The following DENND3 variants were observed in gnomAD, a reference collection of about 807,000 sequenced individuals.
DENND3 encodes DENN domain-containing protein 3.
In DENND3, 88 loss-of-function variants were observed where a neutral mutation model predicts 135.1. The ratio of observed to expected loss-of-function variants is 0.65; its 90% CI spans 0.55 to 0.78. DENND3 has a LOEUF of 0.78. Ranked by LOEUF, DENND3 falls within the 30% of genes least tolerant of loss-of-function variation. The pLI, the probability that DENND3 is intolerant of heterozygous loss-of-function variation, is 0.00. For synonymous variants in DENND3, 693 were observed against 712.3 expected (o/e 0.97, Z 0.43); for missense variants, 1,392 against 1,688.4 (o/e 0.82, Z 3.08).
At chr8:141,149,787 A>T (rs2154612916) in intron 5 of DENND3, among the ~76,000 whole-genome samples, 1 of 152,372 alleles carries the variant, frequency 6.6e-6, no homozygotes, top group South Asian at 2.1e-4. Context: ...TTTTCTCATC[A>T]ACATTATAAC....
Position 141,145,828 on chromosome 8 carries a change from TATATATATATATA to T in DENND3, c.735+1570_735+1582del, listed in dbSNP as rs1817999818. Among the ~76,000 whole-genome samples the T allele has an allele frequency of 1.2e-4, 11 of 90,702 alleles. 2 individuals are homozygous for T. Among genetic ancestry groups the T allele is most frequent in the African/African-American group, 7.0e-4 (11 of 15,696 alleles). The allele number at this position is 90,702 out of a possible 152,430, so 59.5% of individuals were successfully genotyped here. ...TTATATATATATATATATATATATA[TATATATATATATA>T]TATATATATGTATTTTTTTTTTTTT... On this transcript the variant is annotated intron_variant, in intron 5 of 22. Transcript: ENST00000519811.
intron 1 of DENND3, among the ~76,000 whole-genome samples, chr8:141,135,726 A>G (rs1242759473): frequency 3.3e-5 from 5 of 152,256 alleles, no homozygotes. Flanking sequence ...GATTGAAGGG[A>G]TGGCCCATGT....
chr8:141,137,054 A>G lies in DENND3; in HGVS notation c.385+263A>G, dbSNP rs1816868490. ...GAGTTCAGTGGCACAATCTCCTTTC[A>G]CTTCATCCTCTGCCTCCTGGGTTCA... is the stretch of plus-strand genomic sequence containing the variant. On this transcript the variant is annotated intron_variant, in intron 2 of 22. Coordinates refer to ENST00000519811, the MANE Select transcript of DENND3 (RefSeq NM_001352890.3). The surrounding 1 kb of genome is among the most constrained non-coding windows in gnomAD (Gnocchi z 4.1). Among the ~76,000 whole-genome samples the G allele has an allele frequency of 6.6e-6, 1 of 151,884 alleles. No homozygotes were observed.
rs537327633 is a variant in DENND3, at chr8:141,157,303, C to T, written c.1196+1333C>T. 78 of 985,366 alleles carry T rather than the reference C, an allele frequency of 7.9e-5. No individual in the cohort carries two copies. The East Asian group carries it at 2.4e-3, about 30-fold the overall frequency. 61.0% of individuals were successfully genotyped at this position (985,366 alleles called of 1,614,324 possible). A position where few individuals can be genotyped will look rare whatever the true frequency, so the allele number is the denominator to read the frequency against. On this transcript the variant is annotated intron_variant, in intron 8 of 22. Coordinates refer to ENST00000519811, the MANE Select transcript of DENND3 (RefSeq NM_001352890.3). ...GGTGTAATTGCTAATTACGTCAGGA[C>T]GGAGGTGTTGGGTGTGCCCCAAGCA...
At position 141,151,609 on chromosome 8, in the gene DENND3, C is replaced by A; in HGVS notation, c.856-10C>A. On this transcript the variant is annotated splice_polypyrimidine_tract_variant and intron_variant, in intron 6 of 22. Coordinates refer to ENST00000519811, the MANE Select transcript of DENND3 (RefSeq NM_001352890.3). Reference sequence around the variant, plus strand: ...AAGCATGTACTCAGTGCGGCGGGTTCTCCCCTCAGATCCTGACATGCATCC... The same window carrying A: ...AAGCATGTACTCAGTGCGGCGGGTTATCCCCTCAGATCCTGACATGCATCC... 6.2e-7 allele frequency: 1 copy of A among 1,611,836 alleles called. No individual in the cohort carries two copies. Among genetic ancestry groups the A allele is most frequent in the East Asian group, 2.2e-5 (1 of 44,842 alleles).
At chr8:141,136,952 A>G (rs1362783984) in intron 2 of DENND3, among the ~76,000 whole-genome samples, 161 bp downstream of exon 2, 1 of 151,976 alleles carries the variant, frequency 6.6e-6, no homozygotes, top group African/African-American at 2.4e-5. Flanking sequence ...AATCTTGGGG[A>G]TTTTTTTAAT....
chr8:141,141,256 C>T lies in DENND3; in HGVS notation c.555C>T (p.Phe185=), dbSNP rs149744221. 71 of 1,614,198 alleles carry T rather than the reference C, an allele frequency of 4.4e-5. No homozygotes were observed. Among genetic ancestry groups the T allele is most frequent in the African/African-American group, 8.0e-5 (6 of 75,046 alleles). The change falls in exon 4 of 23, where the codon TTC becomes TTT. Residue 185 remains phenylalanine (F), a synonymous_variant. Coordinates refer to ENST00000519811, the MANE Select transcript of DENND3 (RefSeq NM_001352890.3). This position sits in a 1 kb window ranked among gnomAD's most constrained non-coding sequence, Gnocchi z 5.3. ...CGCACCGGGAGTGTCCTGGCTGCTT[C>T]GTGCCCTTCGCGGTGTGCGTGGTCT... ...GKTHRECPGC[F]VPFAVCVVSR...
chr8:141,188,760 G>A (rs181791115), intron 18 of DENND3: 165 of 535,452 alleles, frequency 3.1e-4, no homozygotes, highest in African/African-American at 2.6e-3. Flanking sequence ...TCAATCATAC[G>A]TAGTCAATAA....
chr8:141,165,361 G>A (rs963495683), intron 11 of DENND3, 72 bp downstream of exon 11: 13 of 1,229,952 alleles, frequency 1.1e-5, no homozygotes, highest in Middle Eastern at 1.9e-4. Flanking sequence ...AGTTTTATTC[G>A]AATGAGTAAA....
chr8:141,155,983 A>G lies in DENND3; in HGVS notation c.1196+13A>G, dbSNP rs748728686. On this transcript the variant is annotated intron_variant, in intron 8 of 22. Coordinates refer to ENST00000519811, the MANE Select transcript of DENND3 (RefSeq NM_001352890.3). Reference sequence around the variant, plus strand: ...CGTTTATTCAGAGGTAACGGGAAACATTAATGGTATGAATTTCAGACCGTC... The same window carrying G: ...CGTTTATTCAGAGGTAACGGGAAACGTTAATGGTATGAATTTCAGACCGTC... 6.3e-7 allele frequency: 1 copy of G among 1,583,762 alleles called. No homozygotes were observed.
In DENND3 at chr8:141,185,005, C is replaced by G. The variant is rs147476511; in HGVS notation, c.2945-134C>G. ...CAGGGAAGCCTCTGCCTGGGCACGTCTTTGTACGTACAGCACCTAACATGG... is the reference window on the plus strand; with the variant it reads ...CAGGGAAGCCTCTGCCTGGGCACGTGTTTGTACGTACAGCACCTAACATGG... On this transcript the variant is annotated intron_variant, in intron 17 of 22. Coordinates refer to ENST00000519811, the MANE Select transcript of DENND3 (RefSeq NM_001352890.3). 272 of 1,193,222 alleles carry G rather than the reference C, an allele frequency of 2.3e-4. 1 individual carries two copies. In the African/African-American group the frequency reaches 3.4e-3, roughly 15 times the overall value. 73.9% of individuals were successfully genotyped at this position (1,193,222 alleles called of 1,614,324 possible). A position where few individuals can be genotyped will look rare whatever the true frequency, so the allele number is the denominator to read the frequency against.
chr8:141,189,380 C>A (rs1224811432), intron 19 of DENND3, among the ~76,000 whole-genome samples: 2 of 152,270 alleles, frequency 1.3e-5, no homozygotes, highest in Non-Finnish European at 2.9e-5. Context: ...CCACACCCGG[C>A]CTTCCTGCTG....
chr8:141,182,257 G>A lies in DENND3; in HGVS notation c.2944+1403G>A, dbSNP rs1823239693. On this transcript the variant is annotated intron_variant, in intron 17 of 22. Transcript: ENST00000519811. The surrounding 1 kb of genome is among the most constrained non-coding windows in gnomAD (Gnocchi z 5.9). ...TTCACACACGGAGCTCATGCTTCAGGTGGGCAGAGAAGCTGTGTGTGAAGC... is the reference window on the plus strand; with the variant it reads ...TTCACACACGGAGCTCATGCTTCAGATGGGCAGAGAAGCTGTGTGTGAAGC... 1 of 968,436 alleles carries A rather than the reference G, an allele frequency of 1.0e-6. No individual in the cohort carries two copies. The highest frequency in any genetic ancestry group is 1.8e-5 in the African/African-American group (1 of 56,860). The allele number at this position is 968,436 out of a possible 1,614,324, so 60.0% of individuals were successfully genotyped here.
chr8:141,177,934 C>A, intron 15 of DENND3, 133 bp from the exon 16 acceptor site: 1 of 1,136,430 alleles, frequency 8.8e-7, no homozygotes, highest in Non-Finnish European at 1.2e-6. Context: ...CAAATTCATC[C>A]GTGATCTAAA....
At chr8:141,164,344 C>T (rs1589633969) in intron 10 of DENND3, among the ~76,000 whole-genome samples, 1 of 152,238 alleles carries the variant, frequency 6.6e-6, no homozygotes, top group Non-Finnish European at 1.5e-5. Context: ...ACCTTGGGGG[C>T]TTTGCCCTGG....
chr8:141,192,413 C>G lies in DENND3; in HGVS notation c.3462C>G (p.Thr1154=), dbSNP rs1386809807. The G allele has an allele frequency of 1.5e-5, 24 of 1,614,120 alleles. No homozygotes were observed. Among genetic ancestry groups the G allele is most frequent in the Non-Finnish European group, 2.0e-5 (24 of 1,180,050 alleles). The change falls in exon 21 of 23, where the codon ACC becomes ACG. Residue 1154 remains threonine, a synonymous_variant. Transcript: ENST00000519811. Reference sequence around the variant, plus strand: ...AGATTGAGGAGAACTTCAAAGACACCAGTACCTCCTTCCTGGCCTTCCAGC... The same window carrying G: ...AGATTGAGGAGAACTTCAAAGACACGAGTACCTCCTTCCTGGCCTTCCAGC... ...ELKIEENFKD[T]STSFLAFQLL...
rs1161164594 is a variant in DENND3, at chr8:141,154,985, C to T, written c.1075-864C>T. 1.3e-5 allele frequency among the ~76,000 whole-genome samples: 2 copies of T among 152,138 alleles called. No individual in the cohort carries two copies. Among genetic ancestry groups the T allele is most frequent in the African/African-American group, 4.8e-5 (2 of 41,414 alleles). On this transcript the variant is annotated intron_variant, in intron 7 of 22. Coordinates refer to ENST00000519811, the MANE Select transcript of DENND3 (RefSeq NM_001352890.3). The surrounding 1 kb of genome is among the most constrained non-coding windows in gnomAD (Gnocchi z 4.4). ...CTGACACATGCCTCAGATGGGTGAG[C>T]CTCACAGACATCAACGTGGAGTGAA...
rs945229680 is a variant in DENND3, at chr8:141,166,712, C to T, written c.1753+323C>T. ...ATAAATACATATTTACACATCCACACGTGTGATAGGAGGCAGGGAGCGCAC... is the reference window on the plus strand; with the variant it reads ...ATAAATACATATTTACACATCCACATGTGTGATAGGAGGCAGGGAGCGCAC... On this transcript the variant is annotated intron_variant, in intron 12 of 22. Coordinates refer to ENST00000519811, the MANE Select transcript of DENND3 (RefSeq NM_001352890.3). The surrounding 1 kb of genome is among the most constrained non-coding windows in gnomAD (Gnocchi z 4.3). 1.4e-4 allele frequency among the ~76,000 whole-genome samples: 22 copies of T among 152,184 alleles called. No homozygotes were observed. The highest frequency in any genetic ancestry group is 2.6e-4 in the Admixed American group (4 of 15,282).
Position 141,136,529 on chromosome 8 carries a change from CA to C in DENND3, c.126del (p.Lys42AsnfsTer43). 6.5e-7 allele frequency: 1 copy of C among 1,547,668 alleles called. No homozygotes were observed. The highest frequency in any genetic ancestry group is 8.7e-7 in the Non-Finnish European group (1 of 1,145,916). On this transcript the variant is annotated frameshift_variant, in exon 2 of 23. Coordinates refer to ENST00000519811, the MANE Select transcript of DENND3 (RefSeq NM_001352890.3). LOFTEE classifies it high-confidence loss of function. The part of the protein sequence containing the change: ...LEQVAYKKGV[K>X]HLSALLDPEV... ...TTTAGGTTGCTTATAAAAAGGGAGT[CA>C]AACATCTTTCTGCTCTTCTTGATCC...
Sources: allele counts gnomAD v4.1 joint callset (sites outside exome capture counted in the v4.1 genomes callset), GRCh38; gene constraint gnomAD v4.1.1; non-coding constraint Gnocchi (gnomAD v3.1); transcripts MANE v1.5; gene names NCBI Gene and HGNC (gene_info 2026-07-23, HGNC 2026-07-21).